NUP188: variants seen among roughly 807,000 people sequenced by gnomAD.
NUP188 encodes the protein nucleoporin 188, also known as nucleoporin NUP188.
NUP188 carries 97 observed loss-of-function variants against 223.0 expected under a neutral mutation model. The ratio of observed to expected loss-of-function variants is 0.43; its 90% CI spans 0.37 to 0.51. The LOEUF (loss-of-function observed/expected upper bound fraction) is 0.51, where lower values mean the gene tolerates loss of function less well. Ranked by LOEUF, NUP188 falls within the 20% of genes least tolerant of loss-of-function variation. The probability of loss-of-function intolerance (pLI) is 0.00; values close to 1 mark genes in which losing one functional copy is unlikely to be tolerated. For synonymous variants in NUP188, 869 were observed against 828.0 expected, an observed-to-expected ratio of 1.05 and a Z score of -0.85; for missense variants, 1,947 against 2,175.6, an observed-to-expected ratio of 0.89 and a Z score of 2.09.
chr9:128,982,580 C>T lies in NUP188; in HGVS notation c.1548C>T (p.Gly516=). The T allele has an allele frequency of 1.2e-6, 2 of 1,614,044 alleles. No homozygotes were observed. The highest frequency in any genetic ancestry group is 1.3e-5 in the African/African-American group (1 of 75,028). ...AAACCAACCTTCGCATACCTCAAGGCACTGTGGGCCAAGTAATGTTGGATG... is the reference window on the plus strand; with the variant it reads ...AAACCAACCTTCGCATACCTCAAGGTACTGTGGGCCAAGTAATGTTGGATG... ...GGQTNLRIPQ[G]TVGQVMLDDR... Residue 516 remains glycine (G), a synonymous_variant, in exon 16 of 44, where the codon GGC becomes GGT. Coordinates refer to ENST00000372577, the MANE Select transcript of NUP188 (RefSeq NM_015354.3).
At chr9:128,961,622 A>ATAGATAGAT (rs774001270) in intron 8 of NUP188, among the ~76,000 whole-genome samples, 3,405 of 133,784 alleles carry the variant, frequency 0.025, 172 homozygotes, top group African/African-American at 0.091. Flanking sequence ...AGATAGATAG[A>ATAGATAGAT]TTTTTTTTTT....
At chr9:128,957,834 G>A (rs1841892727) in intron 5 of NUP188, among the ~76,000 whole-genome samples, 176 bp from the exon 6 acceptor site, 1 of 152,190 alleles carries the variant, frequency 6.6e-6, no homozygotes, top group Admixed American at 6.6e-5. Flanking sequence ...AGAGGAGAAG[G>A]GGAGGGATTT....
intron 2 of NUP188, among the ~76,000 whole-genome samples, chr9:128,951,461 A>G (rs1352623693): frequency 1.3e-5 from 2 of 152,146 alleles, no homozygotes; most frequent in African/African-American, 4.8e-5. Flanking sequence ...CCTGGGTGAC[A>G]GAACAGGACC....
intron 25 of NUP188, among the ~76,000 whole-genome samples, chr9:128,992,082 A>AT (rs113906043): frequency 1.9e-4 from 29 of 149,564 alleles, no homozygotes; most frequent in African/African-American, 6.4e-4. Context: ...AATTTTTTGT[A>AT]TTTTTTTTAG....
intron 12 of NUP188, among the ~76,000 whole-genome samples, chr9:128,973,805 C>T (rs958079493): frequency 2.6e-5 from 4 of 152,150 alleles, no homozygotes; most frequent in South Asian, 2.1e-4. Context: ...GATGTATTCC[C>T]TTCCATTTTC....
At chr9:128,966,543 G>T (rs1216866634) in intron 8 of NUP188, among the ~76,000 whole-genome samples, 2 of 152,026 alleles carry the variant, frequency 1.3e-5, no homozygotes, top group African/African-American at 4.8e-5. Flanking sequence ...TTGCCATGTT[G>T]CCCAGGCTAG....
chr9:128,961,919 C>T (rs1257835827), intron 8 of NUP188, among the ~76,000 whole-genome samples: 1 of 148,196 alleles, frequency 6.7e-6, no homozygotes, highest in Non-Finnish European at 1.5e-5. Context: ...CCACCATGCC[C>T]GGCCTAGGAC....
At chr9:129,003,068 C>T (rs1842702736) in intron 37 of NUP188, 93 bp downstream of exon 37, 8 of 1,418,540 alleles carry the variant, frequency 5.6e-6, no homozygotes, top group Middle Eastern at 2.2e-4. Context: ...GCCTGGGCCT[C>T]AGTAGCGGAG....
At position 129,006,587 on chromosome 9, in the gene NUP188, G is replaced by A; in HGVS notation, c.5159G>A (p.Gly1720Asp). The A allele has an allele frequency of 6.2e-7, 1 of 1,614,162 alleles. No individual in the cohort carries two copies. The highest frequency in any genetic ancestry group is 8.5e-7 in the Non-Finnish European group (1 of 1,180,018). The change falls in exon 44 of 44, where the codon GGC (glycine) becomes GAC (aspartate). Residue 1720 changes from glycine to aspartate, a missense_variant. This residue lies in a region of NUP188 where 905 missense variants were observed against 990.6 expected (regional missense o/e 0.91). Transcript: ENST00000372577. ...ACTGGTGTCCTCCCCTCGCCGCAGG[G>A]CAAGTCCACCTCTCTCTCCAAAGCC... ...PATGVLPSPQGKSTSLSKASP... is the reference protein window; with the variant it reads ...PATGVLPSPQDKSTSLSKASP...
At chr9:129,003,179 G>C in intron 37 of NUP188, 138 bp from the exon 38 acceptor site, 2 of 1,198,406 alleles carry the variant, frequency 1.7e-6, no homozygotes, top group Admixed American at 2.3e-5. Flanking sequence ...TCAGAATCCT[G>C]GTTGTACCAC....
chr9:129,005,568 A>G, intron 40 of NUP188, 38 bp downstream of exon 40: 1 of 1,611,238 alleles, frequency 6.2e-7, no homozygotes, highest in Non-Finnish European at 8.5e-7. Context: ...CCTCCCCTAA[A>G]GGCTCTGCTC....
At chr9:128,975,075 T>A (rs951061889) in intron 12 of NUP188, among the ~76,000 whole-genome samples, 2 of 152,144 alleles carry the variant, frequency 1.3e-5, no homozygotes, top group Non-Finnish European at 2.9e-5. Flanking sequence ...TTATTTTTTT[T>A]ATGCTCAGTC....
chr9:128,970,625 G>T, intron 10 of NUP188, 133 bp from the exon 11 acceptor site: 1 of 702,464 alleles, frequency 1.4e-6, no homozygotes. Context: ...GGGGGTTTGA[G>T]AAGAGTGAAA....
chr9:128,976,400 G>T (rs1842175379), intron 12 of NUP188, among the ~76,000 whole-genome samples: 1 of 152,146 alleles, frequency 6.6e-6, no homozygotes, highest in African/African-American at 2.4e-5. Flanking sequence ...GCTGGGTGTG[G>T]TGGCTTACTC....
At chr9:128,960,098 C>CT (rs1199672015) in intron 8 of NUP188, among the ~76,000 whole-genome samples, 1 of 123,992 alleles carries the variant, frequency 8.1e-6, no homozygotes, top group Non-Finnish European at 1.6e-5. Flanking sequence ...GAGTCTCACT[C>CT]TGTTGCACAG....
intron 13 of NUP188, among the ~76,000 whole-genome samples, chr9:128,979,716 T>C (rs1376805597): frequency 2.0e-5 from 3 of 152,118 alleles, no homozygotes; most frequent in African/African-American, 7.2e-5. Context: ...CACTGCAACC[T>C]CTGCCTCCCG....
At chr9:128,978,584 A>C (rs28661637) in intron 12 of NUP188, among the ~76,000 whole-genome samples, 5,951 of 150,624 alleles carry the variant, frequency 0.04, 413 homozygotes, top group African/African-American at 0.14. Context: ...AAAAAAGGTA[A>C]AAAGGAAGAA....
intron 3 of NUP188, among the ~76,000 whole-genome samples, chr9:128,953,835 C>CT (rs1009464640): frequency 9.5e-4 from 137 of 143,764 alleles, no homozygotes; most frequent in Admixed American, 2.5e-3. Context: ...AGTGTCTGTT[C>CT]TTTTTTTTTT....
intron 11 of NUP188, among the ~76,000 whole-genome samples, chr9:128,972,190 G>A (rs190200779): frequency 5.9e-5 from 9 of 152,220 alleles, no homozygotes; most frequent in Non-Finnish European, 1.2e-4. Flanking sequence ...ACTAAAACTC[G>A]AAAGCAACTA....
Sources: allele counts gnomAD v4.1 joint callset (sites outside exome capture counted in the v4.1 genomes callset), GRCh38; gene constraint gnomAD v4.1.1; regional missense constraint gnomAD v4.1.1; transcripts MANE v1.5; gene names NCBI Gene and HGNC (gene_info 2026-07-23, HGNC 2026-07-21).